The following MYH11 variants were observed in gnomAD, a reference collection of about 807,000 sequenced individuals.
MYH11 encodes myosin-11.
A neutral mutation model predicts 246.6 loss-of-function variants in MYH11; 80 were observed. The observed-to-expected ratio is 0.32, with a 90% CI of 0.27 to 0.39. MYH11 has a LOEUF of 0.39. Ranked by LOEUF, MYH11 falls within the 10% of genes least tolerant of loss-of-function variation. MYH11 has a pLI of 1.00. For synonymous variants in MYH11, 1,071 were observed against 1,015.5 expected, an observed-to-expected ratio of 1.05 and a Z score of -1.04; for missense variants, 2,158 against 2,546.8, an observed-to-expected ratio of 0.85 and a Z score of 3.29.
intron 28 of MYH11, chr16:15,725,868 G>A (rs1290333844): frequency 5.1e-6 from 2 of 394,720 alleles, no homozygotes; most frequent in Non-Finnish European, 8.9e-6. Flanking sequence ...ACATTGCCCA[G>A]AGTAAGGATC....
chr16:15,735,403 C>T lies in MYH11; in HGVS notation c.3469G>A (p.Asp1157Asn), dbSNP rs746943696. The stretch of plus-strand genomic sequence containing the variant: ...TGAGTGGCTGTGCTGTCCAGTGTGT[C>T]TTCCAGCTCTGTCTTTAGGGCCTCC... ...ELEALKTELE[D>N]TLDSTATQQE... is the part of the protein sequence containing the mutation. Residue 1157 changes from aspartate (D) to asparagine (N), a missense_variant, in exon 26 of 41, where the codon GAC (aspartate) becomes AAC (asparagine). Physicochemically the swap from Asp to Asn is conservative, Grantham distance 23 (BLOSUM62 1). Around this residue, in one of 11 missense-constraint regions of MYH11, gnomAD observed 34 missense variants for 70.4 expected, o/e 0.48. Transcript: ENST00000300036. 5.1e-5 allele frequency: 83 copies of T among 1,613,880 alleles called. 2 individuals carry two copies. In the Admixed American group the frequency reaches 1.4e-3, roughly 26 times the overall value.
At chr16:15,823,129 T>G in intron 3 of MYH11, 126 bp downstream of exon 3, 1 of 1,364,592 alleles carries the variant, frequency 7.3e-7, no homozygotes, top group East Asian at 2.4e-5. Flanking sequence ...TTTCCCTTTT[T>G]CAGCCACAGT....
chr16:15,779,289 C>A (rs991859397), intron 6 of MYH11: 30 of 271,844 alleles, frequency 1.1e-4, no homozygotes, highest in Non-Finnish European at 1.9e-4. Context: ...CAGGCATGCA[C>A]CACCATATCT....
chr16:15,852,555 T>G (rs950799982), intron 1 of MYH11, among the ~76,000 whole-genome samples: 1 of 152,028 alleles, frequency 6.6e-6, no homozygotes, highest in African/African-American at 2.4e-5. Flanking sequence ...GCCAGGCTGG[T>G]CTTGAACTCC....
intron 7 of MYH11, 119 bp from the exon 8 acceptor site, chr16:15,776,295 G>T: frequency 1.3e-6 from 1 of 754,246 alleles, no homozygotes. Flanking sequence ...CCCTGGGATC[G>T]GTAATGTCTA....
At chr16:15,708,749 G>T in intron 40 of MYH11, 4 of 1,559,830 alleles carry the variant, frequency 2.6e-6, no homozygotes, top group Non-Finnish European at 3.5e-6. Flanking sequence ...GCATTGGGCA[G>T]AAAAGAAATG....
chr16:15,834,911 G>GT (rs11414157), intron 2 of MYH11, among the ~76,000 whole-genome samples: 53,918 of 131,980 alleles, frequency 0.41, 11,291 homozygotes, highest in African/African-American at 0.51. Flanking sequence ...CTCTACAGAA[G>GT]TTTTTTTTTT....
intron 30 of MYH11, 40 bp from the exon 31 acceptor site, chr16:15,724,449 A>G: frequency 2.5e-6 from 4 of 1,612,452 alleles, no homozygotes; most frequent in South Asian, 1.1e-5. Context: ...GAGGGGGACC[A>G]TGAGTGGCCC....
chr16:15,705,878 G>A (rs1022254897), intron 40 of MYH11, among the ~76,000 whole-genome samples: 1 of 151,048 alleles, frequency 6.6e-6, no homozygotes, highest in Non-Finnish European at 1.5e-5. Context: ...CTACTCGGGA[G>A]GGAGGCTGAG....
intron 3 of MYH11, among the ~76,000 whole-genome samples, chr16:15,821,147 C>T (rs1476436964): frequency 1.3e-5 from 2 of 152,260 alleles, no homozygotes; most frequent in African/African-American, 2.4e-5. Context: ...GCCAGGATTA[C>T]AGGCGTGAGC....
At chr16:15,707,556 A>G (rs1308759559) in intron 40 of MYH11, among the ~76,000 whole-genome samples, 1 of 152,200 alleles carries the variant, frequency 6.6e-6, no homozygotes, top group East Asian at 1.9e-4. Flanking sequence ...GGCTCTTAAC[A>G]AGACCTCACC....
chr16:15,704,309 G>A (rs1196975525), intron 40 of MYH11, among the ~76,000 whole-genome samples, 186 bp from the exon 41 acceptor site: 1 of 152,162 alleles, frequency 6.6e-6, no homozygotes, highest in Non-Finnish European at 1.5e-5. Flanking sequence ...ATCATTGCCA[G>A]TCTTAAGGCA....
intron 15 of MYH11, among the ~76,000 whole-genome samples, chr16:15,752,042 T>C (rs1397680159): frequency 1.3e-5 from 2 of 152,038 alleles, no homozygotes; most frequent in African/African-American, 2.4e-5. Context: ...TCCTCCTGCC[T>C]CAGCCTCCCA....
chr16:15,770,811 G>A (rs1313654043), intron 9 of MYH11, among the ~76,000 whole-genome samples: 2 of 152,094 alleles, frequency 1.3e-5, no homozygotes, highest in Non-Finnish European at 1.5e-5. Flanking sequence ...CTTAAGCCGG[G>A]AATCTACTCT....
chr16:15,814,233 C>T (rs2043207012), intron 3 of MYH11, among the ~76,000 whole-genome samples: 1 of 151,270 alleles, frequency 6.6e-6, no homozygotes, highest in Admixed American at 6.6e-5. Context: ...TCTTGGAAGA[C>T]AGAAAATGGG....
rs1398677972 is a variant in MYH11, at chr16:15,851,521, TCTG to T, written c.-18+5417_-18+5419del. 2.6e-5 allele frequency among the ~76,000 whole-genome samples: 4 copies of T among 152,254 alleles called. No homozygotes were observed. In the East Asian group the frequency reaches 5.8e-4, roughly 22 times the overall value. ...ACAATCCAGAATCTAATCCTAGTTTTCTGCTAAGAGTAAATGGACACCCGATTA... is the reference window on the plus strand; with the variant it reads ...ACAATCCAGAATCTAATCCTAGTTTTCTAAGAGTAAATGGACACCCGATTA... On this transcript the variant is annotated intron_variant, in intron 1 of 40. Coordinates refer to ENST00000300036, the MANE Select transcript of MYH11 (RefSeq NM_002474.3).
chr16:15,849,309 G>A (rs943300832), intron 1 of MYH11, among the ~76,000 whole-genome samples: 3 of 152,006 alleles, frequency 2.0e-5, no homozygotes, highest in African/African-American at 7.2e-5. Flanking sequence ...TAGGATGACA[G>A]GCGTGAGTCA....
intron 1 of MYH11, among the ~76,000 whole-genome samples, chr16:15,841,898 C>T (rs1163191208): frequency 6.6e-6 from 1 of 152,172 alleles, no homozygotes; most frequent in South Asian, 2.1e-4. Flanking sequence ...ATAATCCCCA[C>T]GCTTGGGCCC....
chr16:15,742,010 G>A, intron 20 of MYH11, 119 bp from the exon 21 acceptor site: 1 of 1,457,496 alleles, frequency 6.9e-7, no homozygotes, highest in East Asian at 2.5e-5. Context: ...CCCCACTAGG[G>A]GATATTGTCT....
Sources: gnomAD v4.1 joint callset for allele counts (sites outside exome capture counted in the v4.1 genomes callset) on GRCh38, gnomAD v4.1.1 for gene constraint, gnomAD v4.1.1 regional missense constraint, MANE v1.5 for transcripts, NCBI Gene and HGNC (gene_info 2026-07-23, HGNC 2026-07-21) for gene names.